The following ADGRL3 variants were observed in gnomAD, a reference collection of about 807,000 sequenced individuals.
ADGRL3 encodes the protein adhesion G protein-coupled receptor L3.
A neutral mutation model predicts 153.5 loss-of-function variants in ADGRL3; 62 were observed. That is an observed-to-expected ratio of 0.40 (90% CI 0.33 to 0.50). ADGRL3 has a LOEUF of 0.50. ADGRL3 is among the 20% of genes least tolerant of loss of function. The pLI is 0.47. For missense variants in ADGRL3, 1,641 were observed against 1,859.4 expected (o/e 0.88, Z 2.16); for synonymous variants, 710 against 672.5 (o/e 1.06, Z -0.86).
chr4:61,637,348 A>C (rs1220752297), intron 5 of ADGRL3, among the ~76,000 whole-genome samples: 1 of 152,212 alleles, frequency 6.6e-6, no homozygotes. Flanking sequence ...GAAGCCAAGC[A>C]ATGCCAAAGA....
At chr4:61,581,427 G>T (rs370016082) in intron 4 of ADGRL3, among the ~76,000 whole-genome samples, 14 of 152,114 alleles carry the variant, frequency 9.2e-5, no homozygotes, top group Admixed American at 8.5e-4. Flanking sequence ...TTGAGAACAG[G>T]TAGAATCAAA....
At chr4:61,256,033 T>G (rs2091928659) in intron 1 of ADGRL3, among the ~76,000 whole-genome samples, 1 of 152,186 alleles carries the variant, frequency 6.6e-6, no homozygotes. Flanking sequence ...TGGATCTACT[T>G]TGCACGTCCT....
chr4:61,487,450 G>A (rs1437525489), intron 2 of ADGRL3, among the ~76,000 whole-genome samples: 1 of 152,036 alleles, frequency 6.6e-6, no homozygotes, highest in East Asian at 1.9e-4. Context: ...CTTAATAAAT[G>A]TTAGTAGTTA....
At chr4:61,252,629 G>T (rs1026253253) in intron 1 of ADGRL3, among the ~76,000 whole-genome samples, 39 of 151,428 alleles carry the variant, frequency 2.6e-4, no homozygotes, top group African/African-American at 9.2e-4. Context: ...CTAATAGCTC[G>T]CTTTGTCAGA....
chr4:61,231,741 T>C (rs113798113), intron 1 of ADGRL3, among the ~76,000 whole-genome samples: 56 of 152,096 alleles, frequency 3.7e-4, no homozygotes, highest in African/African-American at 1.3e-3. Flanking sequence ...GTGGTATCAA[T>C]GTTCTTCATT....
rs1278405732 is a variant in ADGRL3 at position 61,643,115 on chromosome 4, T to A, written c.474-33711T>A. Among the ~76,000 whole-genome samples, 3 of 152,192 alleles carry A rather than the reference T, an allele frequency of 2.0e-5. No homozygotes were observed. In the East Asian group the frequency reaches 5.8e-4, roughly 29 times the overall value. Reference sequence around the variant, plus strand: ...GTCTGTTATTGGTGTATAAGAATGCTTGTGATTTTTGTTCATTGATTTTGT... The same window carrying A: ...GTCTGTTATTGGTGTATAAGAATGCATGTGATTTTTGTTCATTGATTTTGT... On this transcript the variant is annotated intron_variant, in intron 5 of 26. Transcript: ENST00000683033.
At chr4:61,716,615 G>A (rs2096121796) in intron 6 of ADGRL3, among the ~76,000 whole-genome samples, 1 of 152,130 alleles carries the variant, frequency 6.6e-6, no homozygotes, top group Admixed American at 6.6e-5. Context: ...ACTGTTCAGT[G>A]ACAGGACCAA....
chr4:61,716,442 G>A lies in ADGRL3; in HGVS notation c.584-14180G>A, dbSNP rs142904877. 1.8e-3 allele frequency among the ~76,000 whole-genome samples: 273 copies of A among 152,184 alleles called. 2 individuals carry two copies. In the East Asian group the frequency reaches 0.041, roughly 23 times the overall value. The stretch of plus-strand genomic sequence containing the variant: ...GAAGTTTGCAAGATAAATACGTACC[G>A]ATTTTAAAGGAAAGTGAACATCAGT... On this transcript the variant is annotated intron_variant, in intron 6 of 26. Coordinates refer to ENST00000683033, the MANE Select transcript of ADGRL3 (RefSeq NM_001387552.1).
intron 2 of ADGRL3, among the ~76,000 whole-genome samples, chr4:61,455,758 TC>T (rs769739762): frequency 5.8e-4 from 89 of 152,182 alleles, no homozygotes; most frequent in Middle Eastern, 3.4e-3. Flanking sequence ...TGTATTCTAT[TC>T]CTTACCTGAT....
chr4:61,747,668 TA>T (rs2096686034), intron 8 of ADGRL3, among the ~76,000 whole-genome samples: 1 of 143,940 alleles, frequency 6.9e-6, no homozygotes, highest in South Asian at 2.2e-4. Context: ...CCCTTCATGC[TA>T]AAAACTCTCA....
intron 8 of ADGRL3, among the ~76,000 whole-genome samples, chr4:61,767,891 C>T (rs1056131313): frequency 3.3e-5 from 5 of 152,024 alleles, no homozygotes; most frequent in Non-Finnish European, 7.4e-5. Context: ...TCTGTTATTG[C>T]ACACCTTGAA....
At chr4:61,470,217 A>C (rs2097930413) in intron 2 of ADGRL3, among the ~76,000 whole-genome samples, 1 of 152,048 alleles carries the variant, frequency 6.6e-6, no homozygotes, top group South Asian at 2.1e-4. Context: ...ATGTTTCTCA[A>C]GTCCATGCTG....
intron 3 of ADGRL3, among the ~76,000 whole-genome samples, chr4:61,507,609 C>A (rs1398672143): frequency 1.3e-5 from 2 of 152,140 alleles, no homozygotes; most frequent in East Asian, 3.8e-4. Flanking sequence ...AATTGTACTT[C>A]TATAATTCCC....
chr4:61,675,432 C>T (rs1030201501), intron 5 of ADGRL3, among the ~76,000 whole-genome samples: 7 of 151,752 alleles, frequency 4.6e-5, no homozygotes, highest in Non-Finnish European at 4.4e-5. Flanking sequence ...AGACAATATA[C>T]TTAAGGATAA....
At chr4:61,844,575 A>AAAAAAAAAATATATATATATATATATAT (rs1554045137) in intron 9 of ADGRL3, among the ~76,000 whole-genome samples, 1 of 18,108 alleles carries the variant, frequency 5.5e-5, no homozygotes, top group African/African-American at 2.6e-4. Flanking sequence ...AAAAAAAAAA[A>AAAAAAAAAATATATATATATATATATAT]ATATATATAT....
chr4:61,891,884 G>T (rs897727169), intron 9 of ADGRL3, among the ~76,000 whole-genome samples: 2 of 152,114 alleles, frequency 1.3e-5, no homozygotes, highest in African/African-American at 2.4e-5. Context: ...TCCATAGTAT[G>T]CCTATTCCTT....
intron 8 of ADGRL3, among the ~76,000 whole-genome samples, chr4:61,783,616 T>C (rs2097241444): frequency 6.6e-6 from 1 of 152,104 alleles, no homozygotes; most frequent in South Asian, 2.1e-4. Context: ...ATTTATGATA[T>C]GCAAAATACT....
chr4:61,952,358 A>C (rs2098950151), intron 17 of ADGRL3, among the ~76,000 whole-genome samples: 1 of 151,888 alleles, frequency 6.6e-6, no homozygotes, highest in Non-Finnish European at 1.5e-5. Flanking sequence ...ATACCCTTGT[A>C]GTCCCAGCTA....
chr4:61,779,655 A>G (rs980721978), intron 8 of ADGRL3, among the ~76,000 whole-genome samples: 1 of 150,950 alleles, frequency 6.6e-6, no homozygotes, highest in Non-Finnish European at 1.5e-5. Context: ...AAAAAAAAAA[A>G]AAAAAGGGAG....
Sources: gnomAD v4.1 joint callset for allele counts (sites outside exome capture counted in the v4.1 genomes callset) on GRCh38, gnomAD v4.1.1 for gene constraint, MANE v1.5 for transcripts, NCBI Gene and HGNC (gene_info 2026-07-23, HGNC 2026-07-21) for gene names.